Variants in ATPAF2 observed in about 807,000 individuals in gnomAD.
ATPAF2 encodes ATP12 homolog.
In ATPAF2, 30 loss-of-function variants were observed where a neutral mutation model predicts 36.6. The ratio of observed to expected loss-of-function variants is 0.82; its 90% CI spans 0.61 to 1.11. The LOEUF is 1.11. ATPAF2 is among the 50% of genes most tolerant of loss of function. The pLI is 0.00. For missense variants in ATPAF2, 321 were observed against 372.3 expected (o/e 0.86, Z 1.13); for synonymous variants, 140 against 152.6 (o/e 0.92, Z 0.61).
chr17:18,021,980 T>A, intron 5 of ATPAF2, 123 bp from the exon 6 acceptor site: 1 of 849,360 alleles, frequency 1.2e-6, no homozygotes, highest in Non-Finnish European at 2.0e-6. Flanking sequence ...GGAGCTAGTC[T>A]TGACTACAGG....
chr17:18,037,229 C>A (rs537433249), intron 1 of ATPAF2, among the ~76,000 whole-genome samples: 2 of 152,254 alleles, frequency 1.3e-5, no homozygotes, highest in South Asian at 4.1e-4. Context: ...CCAGGCCCTT[C>A]CCCTGAGTCC....
intron 6 of ATPAF2, chr17:18,021,535 A>C: frequency 1.6e-6 from 1 of 631,768 alleles, no homozygotes; most frequent in Non-Finnish European, 2.9e-6. Flanking sequence ...TGAACTCAAG[A>C]CTTCTGCTGG....
intron 6 of ATPAF2, chr17:18,021,440 C>A (rs1447950089): frequency 1.2e-5 from 8 of 651,904 alleles, no homozygotes; most frequent in Non-Finnish European, 2.2e-5. Context: ...ACACATGACC[C>A]GAACTTGGCA....
At chr17:18,016,621 C>G (rs1480776998), downstream of ATPAF2, 1 of 1,613,842 alleles carries the variant, frequency 6.2e-7, no homozygotes, top group South Asian at 1.1e-5. Flanking sequence ...GTACATCGAC[C>G]ACATGCAGAG....
chr17:18,016,047 T>C, downstream of ATPAF2: 1 of 1,612,434 alleles, frequency 6.2e-7, no homozygotes, highest in Non-Finnish European at 8.5e-7. Flanking sequence ...TCTCATTGGA[T>C]TCTTTTCACT....
intron 5 of ATPAF2, 71 bp downstream of exon 5, chr17:18,024,553 A>AC: frequency 7.6e-7 from 1 of 1,312,418 alleles, no homozygotes; most frequent in Non-Finnish European, 1.1e-6. Flanking sequence ...TTCCAGCGTG[A>AC]CCCCCTGACC....
chr17:18,038,863 A>G lies in ATPAF2; in HGVS notation c.133+18T>C. 6.2e-7 allele frequency: 1 copy of G among 1,613,262 alleles called. No individual in the cohort carries two copies. Among genetic ancestry groups the G allele is most frequent in the Non-Finnish European group, 8.5e-7 (1 of 1,179,342 alleles). ...CCCCAGCTCGGCCCCAACCCAAAAG[A>G]ACATGTCATGGTCTTACCTGTCGGC... is the stretch of plus-strand genomic sequence containing the variant. On this transcript the variant is annotated intron_variant, in intron 1 of 7. Transcript: ENST00000474627.
chr17:18,019,142 A>AAC (rs2044428475), intron 7 of ATPAF2, among the ~76,000 whole-genome samples: 5 of 77,326 alleles, frequency 6.5e-5, no homozygotes, highest in African/African-American at 2.4e-4. Context: ...CCTGTCTCAA[A>AAC]AACACCACAC....
chr17:18,015,512 G>C (rs1282068041), downstream of ATPAF2: 1 of 152,966 alleles, frequency 6.5e-6, no homozygotes, highest in East Asian at 1.9e-4. Context: ...TTACAAGACA[G>C]CAAAGTCAGG....
chr17:18,027,106 A>G (rs562612557), intron 3 of ATPAF2, among the ~76,000 whole-genome samples: 1 of 152,046 alleles, frequency 6.6e-6, no homozygotes, highest in Non-Finnish European at 1.5e-5. Context: ...CTGTAATCCC[A>G]GCTGCTTGGG....
chr17:18,032,290 C>A (rs190745001), intron 1 of ATPAF2, among the ~76,000 whole-genome samples: 141 of 152,360 alleles, frequency 9.3e-4, no homozygotes, highest in African/African-American at 3.2e-3. Context: ...CAGGGCTGAA[C>A]CTTCAAAAGC....
intron 1 of ATPAF2, among the ~76,000 whole-genome samples, chr17:18,037,808 T>G (rs966716294): frequency 6.6e-6 from 1 of 152,208 alleles, no homozygotes; most frequent in African/African-American, 2.4e-5. Flanking sequence ...AAACAGGCAG[T>G]GTCAGGGAAA....
intron 1 of ATPAF2, among the ~76,000 whole-genome samples, chr17:18,033,126 T>C (rs1385546854): frequency 6.6e-6 from 1 of 152,000 alleles, no homozygotes; most frequent in Non-Finnish European, 1.5e-5. Flanking sequence ...CCCAGAACTT[T>C]GTGAGGCCGA....
intron 1 of ATPAF2, among the ~76,000 whole-genome samples, chr17:18,036,293 G>A (rs528136432): frequency 6.6e-6 from 1 of 152,224 alleles, no homozygotes; most frequent in South Asian, 2.1e-4. Context: ...TGGGGGTCGG[G>A]GGCCGGGCGC....
chr17:18,034,880 C>T (rs1185819049), intron 1 of ATPAF2, among the ~76,000 whole-genome samples: 1 of 152,154 alleles, frequency 6.6e-6, no homozygotes, highest in Non-Finnish European at 1.5e-5. Flanking sequence ...TTTACACATA[C>T]AATGGAATAT....
chr17:18,030,830 CTTTTTTTTTTTTT>C (rs34365252), intron 1 of ATPAF2, among the ~76,000 whole-genome samples: 2 of 80,088 alleles, frequency 2.5e-5, no homozygotes, highest in African/African-American at 9.5e-5. Context: ...CCACGCCTGG[CTTTTTTTTTTTTT>C]TTTTTTTTTT....
chr17:18,028,572 A>C (rs1488990858), intron 2 of ATPAF2, 43 bp downstream of exon 2: 6 of 1,061,988 alleles, frequency 5.6e-6, no homozygotes, highest in South Asian at 1.4e-5. Flanking sequence ...ACCATTCACA[A>C]AAAAAAAAAA....
At chr17:18,027,617 G>A (rs1203730404) in intron 3 of ATPAF2, among the ~76,000 whole-genome samples, 1 of 152,222 alleles carries the variant, frequency 6.6e-6, no homozygotes, top group Non-Finnish European at 1.5e-5. Context: ...AAGCTGCAGA[G>A]GCTGGACCTA....
downstream of ATPAF2, chr17:18,015,885 G>A (rs991184170): frequency 9.3e-6 from 6 of 647,010 alleles, no homozygotes; most frequent in African/African-American, 3.6e-5. Context: ...TTGGGGAAGC[G>A]GCTGTCACAG....
Sources: gnomAD v4.1 joint callset for allele counts (sites outside exome capture counted in the v4.1 genomes callset) on GRCh38, gnomAD v4.1.1 for gene constraint, MANE v1.5 for transcripts, NCBI Gene and HGNC (gene_info 2026-07-23, HGNC 2026-07-21) for gene names.